CDADC1: variants seen among roughly 807,000 people sequenced by gnomAD.
CDADC1 encodes cytidine and dCMP deaminase domain containing 1.
Under a neutral mutation model 54.9 loss-of-function variants are expected in CDADC1, and 39 were observed. That is an observed-to-expected ratio of 0.71 (90% confidence interval 0.55 to 0.93). The LOEUF is 0.93. CDADC1 is among the 40% of genes least tolerant of loss of function. The pLI, the probability that CDADC1 is intolerant of heterozygous loss-of-function variation, is 0.00. For synonymous variants in CDADC1, 186 were observed against 204.0 expected (o/e 0.91, Z 0.75); for missense variants, 518 against 618.8 (o/e 0.84, Z 1.73).
intron 7 of CDADC1, among the ~76,000 whole-genome samples, 165 bp downstream of exon 7, chr13:49,278,684 A>G (rs1056902019): frequency 6.6e-6 from 1 of 152,208 alleles, no homozygotes; most frequent in Non-Finnish European, 1.5e-5. Context: ...ACCTGAAGCT[A>G]TGACCTGACC....
At chr13:49,283,885 A>C (rs1210378418) in intron 8 of CDADC1, among the ~76,000 whole-genome samples, 1 of 152,234 alleles carries the variant, frequency 6.6e-6, no homozygotes, top group East Asian at 1.9e-4. Flanking sequence ...ATGGTTAGCT[A>C]GATACCTAGT....
At chr13:49,285,614 G>A (rs1268960923) in intron 8 of CDADC1, among the ~76,000 whole-genome samples, 7 of 152,096 alleles carry the variant, frequency 4.6e-5, no homozygotes, top group Non-Finnish European at 1.0e-4. Flanking sequence ...GCCTCCTGTA[G>A]TTAGGGTGTA....
In CDADC1 at chr13:49,267,845, C is replaced by G; in HGVS notation, c.786C>G (p.Asn262Lys). The G allele has an allele frequency of 6.2e-7, 1 of 1,614,002 alleles. No homozygotes were observed. The highest frequency in any genetic ancestry group is 8.5e-7 in the Non-Finnish European group (1 of 1,179,958). Residue 262 changes from asparagine (N) to lysine (K), a missense_variant, in exon 5 of 10, where the codon AAC (asparagine) becomes AAG (lysine). Transcript: ENST00000251108. ...KQILMTIGLE[N>K]LCENPYFSNL... is the part of the protein sequence containing the mutation. ...TACTGATGACTATAGGTTTGGAGAACCTGTGTGAAAATCCATACTTTAGCA... is the reference window on the plus strand; with the variant it reads ...TACTGATGACTATAGGTTTGGAGAAGCTGTGTGAAAATCCATACTTTAGCA...
chr13:49,280,733 G>A (rs1257743013), intron 8 of CDADC1, 35 bp downstream of exon 8: 1 of 1,368,338 alleles, frequency 7.3e-7, no homozygotes, highest in Non-Finnish European at 9.8e-7. Flanking sequence ...GGTGTATTTT[G>A]TATTATGTTG....
At chr13:49,267,406 A>G (rs1593814338) in intron 4 of CDADC1, 84 bp from the exon 5 acceptor site, 2 of 1,073,942 alleles carry the variant, frequency 1.9e-6, no homozygotes, top group Non-Finnish European at 2.7e-6. Flanking sequence ...TTCTAGATAT[A>G]CTGCAATGAT....
At chr13:49,250,765 TA>T (rs1313824472) in intron 2 of CDADC1, among the ~76,000 whole-genome samples, 1 of 152,264 alleles carries the variant, frequency 6.6e-6, no homozygotes, top group Non-Finnish European at 1.5e-5. Context: ...CTTCTCATAA[TA>T]AAATGATATC....
chr13:49,250,881 C>T (rs949867458), intron 2 of CDADC1, among the ~76,000 whole-genome samples: 2 of 152,236 alleles, frequency 1.3e-5, no homozygotes, highest in South Asian at 4.1e-4. Context: ...TCACCCTCAT[C>T]CCCCCACTCT....
chr13:49,287,437 T>C (rs58767585), intron 9 of CDADC1, among the ~76,000 whole-genome samples: 1,810 of 152,304 alleles, frequency 0.012, 29 homozygotes, highest in African/African-American at 0.04. Flanking sequence ...TGCATCTTTC[T>C]TTTTAAAAAT....
chr13:49,285,177 T>G, intron 8 of CDADC1, among the ~76,000 whole-genome samples: 1 of 135,060 alleles, frequency 7.4e-6, no homozygotes, highest in Non-Finnish European at 1.6e-5. Context: ...TTTTTTTTCT[T>G]TTTTCTTTTT....
At chr13:49,278,905 A>G (rs1413015732) in intron 7 of CDADC1, among the ~76,000 whole-genome samples, 6 of 152,230 alleles carry the variant, frequency 3.9e-5, no homozygotes, top group Non-Finnish European at 8.8e-5. Context: ...TTGAGCAACG[A>G]TGGACTACAT....
At chr13:49,291,460 T>C (rs1237386471) in intron 9 of CDADC1, among the ~76,000 whole-genome samples, 1 of 152,256 alleles carries the variant, frequency 6.6e-6, no homozygotes, top group Middle Eastern at 3.4e-3. Context: ...ACGTGAGCCA[T>C]TGCACCCGGC....
In CDADC1 at chr13:49,280,464, C is replaced by T. The variant is rs200264221; in HGVS notation, c.1221-45C>T. ...AAGATTTTTCTAAAAAATAACTTAC[C>T]CTTTCAGAAACGACCTTTCTGATAT... On this transcript the variant is annotated intron_variant, in intron 7 of 9. Coordinates refer to ENST00000251108, the MANE Select transcript of CDADC1 (RefSeq NM_030911.4). 250 of 1,012,488 alleles carry T rather than the reference C, an allele frequency of 2.5e-4. 3 individuals carry two copies. In the African/African-American group the frequency reaches 3.7e-3, roughly 15 times the overall value. The allele number at this position is 1,012,488 out of a possible 1,614,324, so 62.7% of individuals were successfully genotyped here. A position where few individuals can be genotyped will look rare whatever the true frequency, so the allele number is the denominator to read the frequency against.
intron 2 of CDADC1, among the ~76,000 whole-genome samples, chr13:49,251,388 CAGAAAAAAAAAGAAAAAAAAA>C (rs1177218553): frequency 3.4e-5 from 4 of 119,104 alleles, no homozygotes; most frequent in African/African-American, 6.5e-5. Flanking sequence ...AGCCTGGCGA[CAGAAAAAAAAAGAAAAAAAAA>C]AGAAAAAAAA....
chr13:49,287,694 A>G (rs1953564027), intron 9 of CDADC1, among the ~76,000 whole-genome samples: 1 of 152,190 alleles, frequency 6.6e-6, no homozygotes, highest in African/African-American at 2.4e-5. Context: ...TTACTAGGCC[A>G]GGTGCAGTGG....
intron 2 of CDADC1, among the ~76,000 whole-genome samples, chr13:49,251,593 G>A (rs990691868): frequency 2.6e-5 from 4 of 151,236 alleles, no homozygotes; most frequent in African/African-American, 9.7e-5. Context: ...TTTAATTAGT[G>A]AGAAATGACA....
At chr13:49,276,546 T>C (rs762433170) in intron 6 of CDADC1, among the ~76,000 whole-genome samples, 1 of 152,220 alleles carries the variant, frequency 6.6e-6, no homozygotes, top group Non-Finnish European at 1.5e-5. Context: ...GTATCTTCCC[T>C]GCTAACCTCC....
chr13:49,280,129 G>C (rs950241866), intron 7 of CDADC1, among the ~76,000 whole-genome samples: 3 of 152,134 alleles, frequency 2.0e-5, no homozygotes, highest in Non-Finnish European at 2.9e-5. Flanking sequence ...AGCTCTTAAG[G>C]TATCAGTTTC....
intron 8 of CDADC1, among the ~76,000 whole-genome samples, chr13:49,285,431 T>C (rs1354280694): frequency 1.3e-5 from 2 of 152,158 alleles, no homozygotes; most frequent in Non-Finnish European, 2.9e-5. Context: ...CACCTCAGCC[T>C]CCCAAAGTGC....
At chr13:49,256,355 G>A (rs1952548067) in intron 3 of CDADC1, among the ~76,000 whole-genome samples, 1 of 152,164 alleles carries the variant, frequency 6.6e-6, no homozygotes, top group Non-Finnish European at 1.5e-5. Flanking sequence ...TTTCTGCTGT[G>A]AAACAGTAGG....
Sources: allele counts gnomAD v4.1 joint callset (sites outside exome capture counted in the v4.1 genomes callset), GRCh38; gene constraint gnomAD v4.1.1; transcripts MANE v1.5; gene names NCBI Gene and HGNC (gene_info 2026-07-23, HGNC 2026-07-21).